The following CAMTA1 variants were observed in gnomAD, a reference collection of about 807,000 sequenced individuals.
CAMTA1 encodes calmodulin binding transcription activator 1.
A neutral mutation model predicts 170.9 loss-of-function variants in CAMTA1; 27 were observed. The observed-to-expected ratio is 0.16, with a 90% CI of 0.12 to 0.22. CAMTA1 has a LOEUF of 0.22. Ranked by LOEUF, CAMTA1 falls within the 10% of genes least tolerant of loss-of-function variation. The probability of loss-of-function intolerance (pLI) is 1.00; values close to 1 mark genes in which losing one functional copy is unlikely to be tolerated. For synonymous variants in CAMTA1, 833 were observed against 891.5 expected, an observed-to-expected ratio of 0.93 and a Z score of 1.17; for missense variants, 1,619 against 2,217.2, an observed-to-expected ratio of 0.73 and a Z score of 5.42.
chr1:6,965,406 C>T lies in CAMTA1; in HGVS notation c.235-125898C>T, dbSNP rs183866616. Among the ~76,000 whole-genome samples the T allele has an allele frequency of 6.6e-6, 1 of 152,144 alleles. No individual in the cohort carries two copies. Among genetic ancestry groups the T allele is most frequent in the East Asian group, 1.9e-4 (1 of 5,200 alleles). ...TAAATAAGGCTGGTTTTTATATTCC[C>T]ATTTGACCAGGGAGTGCAACCAGCA... On this transcript the variant is annotated intron_variant, in intron 3 of 22. Transcript: ENST00000303635. This position sits in a 1 kb window ranked among gnomAD's most constrained non-coding sequence, Gnocchi z 4.1.
In CAMTA1 at chr1:7,745,783, T is replaced by C. The variant is rs1195459541; in HGVS notation, c.4371-62T>C. 14 of 1,596,408 alleles carry C rather than the reference T, an allele frequency of 8.8e-6. No individual in the cohort carries two copies. The Middle Eastern group carries it at 5.0e-4, about 57-fold the overall frequency. On this transcript the variant is annotated intron_variant, in intron 17 of 22. Transcript: ENST00000303635. ...GATACCATCTTGGCTCATTCATTAA[T>C]ATCTAATGGGTGGTGCAAATCAATC...
At chr1:7,602,824 T>C (rs575745553) in intron 6 of CAMTA1, among the ~76,000 whole-genome samples, 3 of 152,374 alleles carry the variant, frequency 2.0e-5, no homozygotes, top group Admixed American at 6.5e-5. Flanking sequence ...CACACTGCTT[T>C]GAATATGTCC....
At chr1:7,657,748 G>A (rs2095916853) in intron 7 of CAMTA1, among the ~76,000 whole-genome samples, 1 of 152,196 alleles carries the variant, frequency 6.6e-6, no homozygotes, top group Non-Finnish European at 1.5e-5. Context: ...CCTCAGAGGA[G>A]GGGCTTTTCT....
chr1:7,103,696 CTA>C lies in CAMTA1; in HGVS notation c.302+12326_302+12327del, dbSNP rs1643119985. 2.0e-5 allele frequency among the ~76,000 whole-genome samples: 3 copies of C among 149,816 alleles called. 1 individual carries two copies. Among genetic ancestry groups the C allele is most frequent in the South Asian group, 4.2e-4 (2 of 4,706 alleles). On this transcript the variant is annotated intron_variant, in intron 4 of 22. Coordinates refer to ENST00000303635, the MANE Select transcript of CAMTA1 (RefSeq NM_015215.4). ...ACACACATGCACACAACAGATACAA[CTA>C]CACATATGTATACATGACACACATG...
chr1:7,242,940 C>T (rs566802544), intron 4 of CAMTA1, among the ~76,000 whole-genome samples: 131 of 151,624 alleles, frequency 8.6e-4, no homozygotes, highest in African/African-American at 1.1e-3. Flanking sequence ...CCAGCCTGGG[C>T]GACAAAGCAA....
intron 5 of CAMTA1, among the ~76,000 whole-genome samples, chr1:7,381,208 G>T (rs1160830186): frequency 6.6e-6 from 1 of 151,358 alleles, no homozygotes; most frequent in East Asian, 1.9e-4. Flanking sequence ...CATTGTGCAG[G>T]TTAGTTACAT....
rs376887108 is a variant in CAMTA1 at position 7,403,827 on chromosome 1, C to T, written c.439-64003C>T. Among the ~76,000 whole-genome samples the T allele has an allele frequency of 3.0e-4, 46 of 152,184 alleles. 1 individual carries two copies. The South Asian group carries it at 6.4e-3, about 21-fold the overall frequency. On this transcript the variant is annotated intron_variant, in intron 5 of 22. Transcript: ENST00000303635. Reference sequence around the variant, plus strand: ...CCAGAGGTCCTCAGTGAATCCTCACCGCAACCCCCCAAGGGACGTACCAGG... The same window carrying T: ...CCAGAGGTCCTCAGTGAATCCTCACTGCAACCCCCCAAGGGACGTACCAGG...
chr1:7,418,353 T>A (rs1051367214), intron 5 of CAMTA1, among the ~76,000 whole-genome samples: 7 of 152,110 alleles, frequency 4.6e-5, no homozygotes, highest in Non-Finnish European at 8.8e-5. Flanking sequence ...CCACCACCAA[T>A]GTGCCTGACT....
At chr1:7,279,926 G>A (rs4908616) in intron 5 of CAMTA1, among the ~76,000 whole-genome samples, 43,368 of 152,060 alleles carry the variant, frequency 0.29, 6,541 homozygotes, top group South Asian at 0.41. Flanking sequence ...TCCTCTCCTG[G>A]GGTTGGAAGG....
intron 4 of CAMTA1, among the ~76,000 whole-genome samples, chr1:7,120,368 A>G (rs1644570721): frequency 6.6e-6 from 1 of 152,188 alleles, no homozygotes; most frequent in African/African-American, 2.4e-5. Flanking sequence ...GGCAGGGTTC[A>G]ATTCCTCACA....
At chr1:7,356,690 C>T (rs2085140684) in intron 5 of CAMTA1, among the ~76,000 whole-genome samples, 1 of 152,144 alleles carries the variant, frequency 6.6e-6, no homozygotes, top group South Asian at 2.1e-4. Context: ...CCCAGCCTGC[C>T]CCATTCCTGG....
chr1:7,706,047 A>T (rs1339973407), intron 11 of CAMTA1, among the ~76,000 whole-genome samples: 2 of 152,252 alleles, frequency 1.3e-5, no homozygotes, highest in Non-Finnish European at 2.9e-5. Flanking sequence ...GCAGACATCA[A>T]AAGCATTTCT....
intron 5 of CAMTA1, among the ~76,000 whole-genome samples, chr1:7,260,852 A>G (rs1226443670): frequency 1.3e-5 from 2 of 152,238 alleles, no homozygotes; most frequent in African/African-American, 4.8e-5. Context: ...CCTACAGTTT[A>G]TGATGGATGC....
intron 5 of CAMTA1, among the ~76,000 whole-genome samples, chr1:7,439,632 G>A (rs2092459549): frequency 6.6e-6 from 1 of 152,208 alleles, no homozygotes; most frequent in South Asian, 2.1e-4. Context: ...ATAGGTCCTG[G>A]GATCCAGCCT....
At chr1:7,363,863 GCCCCC>G (rs1401030016) in intron 5 of CAMTA1, among the ~76,000 whole-genome samples, 1 of 152,128 alleles carries the variant, frequency 6.6e-6, no homozygotes, top group Admixed American at 6.5e-5. Context: ...CACCCTGGTA[GCCCCC>G]CTCAAAGGCA....
chr1:7,543,014 T>G (rs1031105795), intron 6 of CAMTA1, among the ~76,000 whole-genome samples: 19 of 152,128 alleles, frequency 1.2e-4, no homozygotes, highest in African/African-American at 3.9e-4. Flanking sequence ...ACAGGCGCCC[T>G]CCACTACACC....
chr1:7,593,279 A>G (rs779480477), intron 6 of CAMTA1, among the ~76,000 whole-genome samples: 1 of 152,112 alleles, frequency 6.6e-6, no homozygotes, highest in African/African-American at 2.4e-5. Flanking sequence ...TGTGCCAGGC[A>G]TGATTCTGGG....
At chr1:7,129,474 C>T (rs1558141692) in intron 4 of CAMTA1, among the ~76,000 whole-genome samples, 1 of 152,196 alleles carries the variant, frequency 6.6e-6, no homozygotes, top group African/African-American at 2.4e-5. Context: ...GGAGGGGGAG[C>T]GTTTTGTGAC....
chr1:6,921,776 T>G (rs1682064756), intron 3 of CAMTA1, among the ~76,000 whole-genome samples: 1 of 152,104 alleles, frequency 6.6e-6, no homozygotes, highest in South Asian at 2.1e-4. Context: ...TCCCGTCAGA[T>G]CCCCTGAGAC....
Sources: allele counts gnomAD v4.1 joint callset (sites outside exome capture counted in the v4.1 genomes callset), GRCh38; gene constraint gnomAD v4.1.1; non-coding constraint Gnocchi (gnomAD v3.1); transcripts MANE v1.5; gene names NCBI Gene and HGNC (gene_info 2026-07-23, HGNC 2026-07-21).